Variants in DMD observed in about 807,000 individuals in gnomAD.
DMD encodes the protein dystrophin.
A neutral mutation model predicts 330.1 loss-of-function variants in DMD; 63 were observed. The observed-to-expected ratio is 0.19, with a 90% CI of 0.16 to 0.24. The LOEUF is 0.24. DMD is among the 10% of genes least tolerant of loss of function. The probability of loss-of-function intolerance (pLI) is 1.00; values close to 1 mark genes in which losing one functional copy is unlikely to be tolerated. For missense variants in DMD, 3,344 were observed against 2,684.1 expected (o/e 1.25, Z -5.43); for synonymous variants, 1,223 against 959.8 (o/e 1.27, Z -5.07).
At chrX:33,140,588 A>G (rs1467407376) in intron 1 of DMD, among the ~76,000 whole-genome samples, 1 of 112,424 alleles carries the variant, frequency 8.9e-6, no homozygotes, top group African/African-American at 3.2e-5. Flanking sequence ...ATTGGACTAA[A>G]TAACTTTGTT....
At chrX:31,279,890 T>C (rs147895762) in intron 62 of DMD, among the ~76,000 whole-genome samples, 2,990 of 112,352 alleles carry the variant, frequency 0.027, 45 homozygotes, top group Non-Finnish European at 0.043. Context: ...ATTTTTAGAG[T>C]TGTAAAAAGA....
intron 29 of DMD, among the ~76,000 whole-genome samples, chrX:32,418,971 T>TAAAAA (rs1569561948): frequency 1.1e-4 from 2 of 18,933 alleles, no homozygotes; most frequent in African/African-American, 1.7e-3. Context: ...AGACTCTGTC[T>TAAAAA]CAAAAAAAAA....
chrX:33,021,173 T>C (rs983417226), intron 1 of DMD, among the ~76,000 whole-genome samples: 3 of 110,998 alleles, frequency 2.7e-5, no homozygotes, highest in Non-Finnish European at 3.8e-5. Flanking sequence ...GCCTTACATA[T>C]AAATACTCAA....
At chrX:31,189,755 G>A (rs1378011660) in intron 67 of DMD, among the ~76,000 whole-genome samples, 1 of 112,533 alleles carries the variant, frequency 8.9e-6, no homozygotes, top group Non-Finnish European at 1.9e-5. Flanking sequence ...GAAATAAAAG[G>A]AAGATTATAA....
At chrX:32,821,620 A>T (rs778638945) in intron 5 of DMD, among the ~76,000 whole-genome samples, 239 of 110,075 alleles carry the variant, frequency 2.2e-3, no homozygotes, top group African/African-American at 7.6e-3. Context: ...AAAATAAAAA[A>T]TAAAAAAATT....
intron 7 of DMD, among the ~76,000 whole-genome samples, chrX:32,776,114 C>T (rs1311172563): frequency 8.9e-6 from 1 of 111,753 alleles, no homozygotes; most frequent in African/African-American, 3.3e-5. Context: ...TTTGCTAAAG[C>T]ATAGCAAGAG....
chrX:32,742,911 C>T (rs745506155), intron 7 of DMD, among the ~76,000 whole-genome samples: 2 of 111,760 alleles, frequency 1.8e-5, no homozygotes, highest in South Asian at 3.8e-4. Context: ...GATGAAGAAA[C>T]GAAGGCCAAG....
chrX:33,303,608 C>T (rs1046701400), intron 1 of DMD, among the ~76,000 whole-genome samples: 4 of 111,422 alleles, frequency 3.6e-5, no homozygotes, highest in African/African-American at 9.8e-5. Context: ...TGGGAGATAA[C>T]TGAATCATGG....
chrX:33,258,637 C>T (rs1445389871), intron 1 of DMD, among the ~76,000 whole-genome samples: 1 of 110,578 alleles, frequency 9.0e-6, no homozygotes, highest in Non-Finnish European at 1.9e-5. Flanking sequence ...AGAAGATAGC[C>T]CTAGAGATGC....
chrX:31,414,503 G>T (rs1195820112), intron 60 of DMD, among the ~76,000 whole-genome samples: 4 of 111,876 alleles, frequency 3.6e-5, no homozygotes, highest in Admixed American at 1.9e-4. Flanking sequence ...GTGAAAAATT[G>T]TAAGGACTAT....
chrX:31,917,743 G>A (rs1161618707), intron 47 of DMD, among the ~76,000 whole-genome samples: 1 of 112,075 alleles, frequency 8.9e-6, no homozygotes, highest in Non-Finnish European at 1.9e-5. Flanking sequence ...TCCAAGCCAC[G>A]TATTCCAGTT....
chrX:33,196,927 G>A (rs777017821), intron 1 of DMD, among the ~76,000 whole-genome samples: 1 of 111,187 alleles, frequency 9.0e-6, no homozygotes, highest in Non-Finnish European at 1.9e-5. Context: ...TACCATGCCC[G>A]TGGACCAGCA....
chrX:31,345,828 G>A (rs1289833919), intron 61 of DMD, among the ~76,000 whole-genome samples: 1 of 111,666 alleles, frequency 9.0e-6, no homozygotes, highest in East Asian at 2.8e-4. Flanking sequence ...TTGTGAAACT[G>A]TGTCCAAATA....
chrX:33,034,163 T>G (rs754114245), intron 1 of DMD, among the ~76,000 whole-genome samples: 2 of 111,526 alleles, frequency 1.8e-5, no homozygotes, highest in East Asian at 5.6e-4. Context: ...GATATGAATA[T>G]AAAATTCATG....
chrX:32,173,350 T>G (rs2147372906), intron 44 of DMD, among the ~76,000 whole-genome samples: 1 of 110,572 alleles, frequency 9.0e-6, no homozygotes, highest in East Asian at 2.8e-4. Context: ...TATATATTTC[T>G]GATGCTTCCT....
intron 55 of DMD, among the ~76,000 whole-genome samples, chrX:31,513,049 A>T (rs1351733982): frequency 8.6e-4 from 88 of 101,783 alleles, no homozygotes; most frequent in African/African-American, 3.1e-3. Flanking sequence ...GAGGTCCTTC[A>T]CATCCCTTGT....
intron 60 of DMD, among the ~76,000 whole-genome samples, chrX:31,354,771 T>C (rs2058588741): frequency 8.9e-6 from 1 of 112,250 alleles, no homozygotes; most frequent in South Asian, 3.7e-4. Flanking sequence ...ATCTTATCTG[T>C]CTTGTTAAGA....
At chrX:32,940,079 A>T (rs1450760299) in intron 2 of DMD, among the ~76,000 whole-genome samples, 1 of 112,059 alleles carries the variant, frequency 8.9e-6, no homozygotes, top group Non-Finnish European at 1.9e-5. Context: ...ATCCTAAGGA[A>T]AAAGAACAAA....
intron 43 of DMD, among the ~76,000 whole-genome samples, chrX:32,236,819 AAATG>A (rs1181557402): frequency 1.8e-5 from 2 of 112,291 alleles, no homozygotes; most frequent in Non-Finnish European, 1.9e-5. Context: ...TTCCAATAAT[AAATG>A]AGAGTTAGCA....
Sources: gnomAD v4.1 joint callset for allele counts (sites outside exome capture counted in the v4.1 genomes callset) on GRCh38, gnomAD v4.1.1 for gene constraint, MANE v1.5 for transcripts, NCBI Gene and HGNC (gene_info 2026-07-23, HGNC 2026-07-21) for gene names.